Variants in ANXA1 observed in about 807,000 individuals in gnomAD.
ANXA1 encodes annexin I (lipocortin I).
ANXA1 carries 39 observed loss-of-function variants against 47.9 expected under a neutral mutation model. That is an observed-to-expected ratio of 0.81 (90% CI 0.63 to 1.06). ANXA1 has a LOEUF of 1.06. Ranked by LOEUF, ANXA1 falls within the 50% of genes least tolerant of loss-of-function variation. ANXA1 has a pLI of 0.00. For missense variants in ANXA1, 446 were observed against 422.7 expected (o/e 1.06, Z -0.48); for synonymous variants, 146 against 142.5 (o/e 1.02, Z -0.17).
At chr9:73,163,595 A>G in intron 8 of ANXA1, 63 bp downstream of exon 8, 2 of 1,547,912 alleles carry the variant, frequency 1.3e-6, no homozygotes, top group Non-Finnish European at 1.8e-6. Flanking sequence ...GGGCTACCAC[A>G]TGATCCCCTG....
intron 4 of ANXA1, 108 bp downstream of exon 4, chr9:73,159,531 T>C: frequency 4.9e-6 from 4 of 818,462 alleles, no homozygotes; most frequent in Non-Finnish European, 7.7e-6. Flanking sequence ...CACTGTTTTC[T>C]CATTACATCT....
intron 10 of ANXA1, 65 bp downstream of exon 10, chr9:73,166,257 C>A: frequency 8.5e-7 from 1 of 1,170,028 alleles, no homozygotes; most frequent in Non-Finnish European, 1.2e-6. Context: ...CTATCCTATA[C>A]TTAACAAGAA....
chr9:73,158,656 A>G (rs757423622), intron 2 of ANXA1, 39 bp from the exon 3 acceptor site: 8 of 1,609,944 alleles, frequency 5.0e-6, no homozygotes, highest in East Asian at 4.5e-5. Flanking sequence ...AAACGAATAT[A>G]AGTAAATGGC....
At chr9:73,152,501 A>G (rs1588215107) in intron 1 of ANXA1, among the ~76,000 whole-genome samples, 1 of 152,318 alleles carries the variant, frequency 6.6e-6, no homozygotes, top group Non-Finnish European at 1.5e-5. Flanking sequence ...TGCTTATGCT[A>G]TTTAAAATAA....
Position 73,160,262 on chromosome 9 carries a change from G to A in ANXA1, c.271-1G>A. 2 of 1,539,716 alleles carry A rather than the reference G, an allele frequency of 1.3e-6. No homozygotes were observed. Among genetic ancestry groups the A allele is most frequent in the Non-Finnish European group, 1.7e-6 (2 of 1,151,974 alleles). ...CCTGATTCTAATCTTTTTTTTTGTAGCCCCTGGATGAAACACTGAAGAAAG... is the reference window on the plus strand; with the variant it reads ...CCTGATTCTAATCTTTTTTTTTGTAACCCCTGGATGAAACACTGAAGAAAG... On this transcript the variant is annotated splice_acceptor_variant, in intron 4 of 12. Transcript: ENST00000257497. LOFTEE classifies it high-confidence loss of function.
intron 12 of ANXA1, among the ~76,000 whole-genome samples, 184 bp downstream of exon 12, chr9:73,169,338 C>T (rs1325045188): frequency 6.6e-6 from 1 of 152,060 alleles, no homozygotes; most frequent in African/African-American, 2.4e-5. Context: ...GAGTTCTCTA[C>T]TGAAATACTG....
chr9:73,164,318 G>T (rs1169664672), intron 8 of ANXA1, among the ~76,000 whole-genome samples: 1 of 152,034 alleles, frequency 6.6e-6, no homozygotes, highest in East Asian at 1.9e-4. Context: ...AGATCAATTT[G>T]CTTGAAAAAT....
intron 6 of ANXA1, 39 bp downstream of exon 6, chr9:73,160,932 A>T (rs1824132875): frequency 7.4e-7 from 1 of 1,356,160 alleles, no homozygotes. Context: ...GCCTTATTTG[A>T]AAAGGAAATC....
At chr9:73,160,494 GAATA>G (rs1232598342) in intron 5 of ANXA1, 118 bp downstream of exon 5, 10 of 653,272 alleles carry the variant, frequency 1.5e-5, no homozygotes, top group African/African-American at 1.5e-4. Flanking sequence ...GGAGTTTGAA[GAATA>G]AATAAATTAA....
chr9:73,160,755 C>T, intron 5 of ANXA1, 48 bp from the exon 6 acceptor site: 1 of 1,433,354 alleles, frequency 7.0e-7, no homozygotes. Context: ...GATCCTCTTG[C>T]ATGAAGATTT....
chr9:73,160,018 A>G (rs2118149692), intron 4 of ANXA1: 1 of 293,862 alleles, frequency 3.4e-6, no homozygotes, highest in African/African-American at 2.2e-5. Flanking sequence ...GTATAAGATT[A>G]CTAACCCTAT....
In ANXA1 at chr9:73,166,163, G is replaced by T; in HGVS notation, c.773G>T (p.Gly258Val). The change falls in exon 10 of 13, where the codon GGT becomes GTT. Residue 258 changes from glycine to valine, a missense_variant. Physicochemically the swap from Gly to Val is moderately radical, Grantham distance 109 (BLOSUM62 -3). Coordinates refer to ENST00000257497, the MANE Select transcript of ANXA1 (RefSeq NM_000700.3). ...AAAGTTCTGGACCTGGAGTTGAAAG[G>T]TGACATTGAGAAATGCCTCACAGCT... ...MNKVLDLELK[G>V]DIEKCLTAIV... 1 of 1,612,436 alleles carries T rather than the reference G, an allele frequency of 6.2e-7. No individual in the cohort carries two copies. Among genetic ancestry groups the T allele is most frequent in the Non-Finnish European group, 8.5e-7 (1 of 1,179,064 alleles).
chr9:73,158,764 T>G lies in ANXA1; in HGVS notation c.136T>G (p.Ser46Ala). 3.7e-6 allele frequency: 6 copies of G among 1,613,934 alleles called. No individual in the cohort carries two copies. Among genetic ancestry groups the G allele is most frequent in the Non-Finnish European group, 5.1e-6 (6 of 1,179,886 alleles). Residue 46 changes from serine to alanine, a missense_variant, in exon 3 of 13, where the codon TCG becomes GCG. By Grantham distance (99) the Ser-to-Ala change is moderately conservative. Transcript: ENST00000257497. ...CCCCTATCCTACCTTCAATCCATCC[T>G]CGGATGTCGCTGCCTTGCATAAGGC... is the stretch of plus-strand genomic sequence containing the variant. The part of the protein sequence containing the change: ...VSPYPTFNPS[S>A]DVAALHKAIM...
chr9:73,154,252 G>T (rs1018817601), intron 1 of ANXA1: 12 of 1,271,416 alleles, frequency 9.4e-6, no homozygotes, highest in Non-Finnish European at 1.3e-5. Context: ...CTATGCACAA[G>T]GCCGTGCATT....
chr9:73,169,133 C>T lies in ANXA1; in HGVS notation c.963C>T (p.Ile321=). The T allele has an allele frequency of 6.2e-7, 1 of 1,611,226 alleles. No individual in the cohort carries two copies. Among genetic ancestry groups the T allele is most frequent in the Non-Finnish European group, 8.5e-7 (1 of 1,178,772 alleles). The change falls in exon 12 of 13, where the codon ATC becomes ATT. Residue 321 remains isoleucine, a synonymous_variant. Transcript: ENST00000257497. The part of the protein sequence containing the change: ...IKAFYQKMYG[I]SLCQAILDET... ...CATTCTATCAGAAGATGTATGGTAT[C>T]TCCCTTTGCCAAGCCATCCTGGTAT...
At chr9:73,165,322 C>CTGTTTG in intron 9 of ANXA1, 113 bp downstream of exon 9, 2 of 734,964 alleles carry the variant, frequency 2.7e-6, no homozygotes, top group Non-Finnish European at 4.5e-6. Flanking sequence ...ACTCCTGTAT[C>CTGTTTG]AAACAGATAC....
chr9:73,154,627 C>T (rs1468539600), intron 1 of ANXA1, among the ~76,000 whole-genome samples: 2 of 152,040 alleles, frequency 1.3e-5, no homozygotes, highest in South Asian at 2.1e-4. Context: ...TTGGTAGAGA[C>T]GGGGTTTCGC....
At chr9:73,158,824 A>G in intron 3 of ANXA1, 21 bp downstream of exon 3, 1 of 1,584,262 alleles carries the variant, frequency 6.3e-7, no homozygotes, top group Middle Eastern at 1.7e-4. Flanking sequence ...TCCTCAAAAC[A>G]GTTCCCTCCT....
At chr9:73,168,883 GT>G in intron 11 of ANXA1, 148 bp from the exon 12 acceptor site, 2 of 497,636 alleles carry the variant, frequency 4.0e-6, no homozygotes, top group Non-Finnish European at 6.8e-6. Context: ...CGTGTAAGGT[GT>G]GTGTGTGTGT....
Sources: gnomAD v4.1 joint callset for allele counts (sites outside exome capture counted in the v4.1 genomes callset) on GRCh38, gnomAD v4.1.1 for gene constraint, MANE v1.5 for transcripts, NCBI Gene and HGNC (gene_info 2026-07-23, HGNC 2026-07-21) for gene names.